SPG11: variants seen among roughly 807,000 people sequenced by gnomAD.
SPG11 encodes the protein spatacsin.
A neutral mutation model predicts 274.0 loss-of-function variants in SPG11; 222 were observed. The ratio of observed to expected loss-of-function variants is 0.81; its 90% CI spans 0.73 to 0.91. The LOEUF is 0.91. Among genes scored for constraint, SPG11 ranks in the 40% least tolerant of loss-of-function variants. The probability of loss-of-function intolerance (pLI) is 0.00; values close to 1 mark genes in which losing one functional copy is unlikely to be tolerated. For missense variants in SPG11, 3,114 were observed against 2,872.7 expected, an observed-to-expected ratio of 1.08 and a Z score of -1.92; for synonymous variants, 1,144 against 1,039.7, an observed-to-expected ratio of 1.10 and a Z score of -1.93.
chr15:44,578,050 A>G (rs1316975160), intron 30 of SPG11, among the ~76,000 whole-genome samples: 10 of 115,190 alleles, frequency 8.7e-5, no homozygotes, highest in Non-Finnish European at 1.5e-4. Context: ...TTTGAGACGG[A>G]GTCTCGCTCT....
At chr15:44,602,013 T>C (rs1364532750) in intron 20 of SPG11, among the ~76,000 whole-genome samples, 1 of 152,368 alleles carries the variant, frequency 6.6e-6, no homozygotes, top group African/African-American at 2.4e-5. Flanking sequence ...CATTATCTTT[T>C]TCAGACAGTT....
intron 28 of SPG11, among the ~76,000 whole-genome samples, chr15:44,587,143 G>A (rs1204909600): frequency 2.6e-5 from 4 of 152,216 alleles, no homozygotes; most frequent in Non-Finnish European, 4.4e-5. Context: ...AGACCAGCCT[G>A]TGCAACATGG....
At position 44,663,456 on chromosome 15, in the gene SPG11, T is replaced by C. The variant is rs1053858883; in HGVS notation, c.192A>G (p.Gln64=). ...GGCTGCCAGGCGTCAAAGAAAGCAC[T>C]TGGAGGCTGCCCGCAGCCGTCAGGC... ...LGSLTAAGSL[Q]VLSLTPGSRG... The change falls in exon 1 of 40, where the codon CAA becomes CAG. Residue 64 remains glutamine, a synonymous_variant. Transcript: ENST00000261866. 2 of 1,599,494 alleles carry C rather than the reference T, an allele frequency of 1.3e-6. No homozygotes were observed. Among genetic ancestry groups the C allele is most frequent in the African/African-American group, 1.3e-5 (1 of 74,586 alleles).
chr15:44,602,372 T>G (rs953019826), intron 20 of SPG11, among the ~76,000 whole-genome samples: 2 of 152,178 alleles, frequency 1.3e-5, no homozygotes, highest in Non-Finnish European at 2.9e-5. Context: ...TTTATAATGT[T>G]GAGATGCATT....
chr15:44,602,529 A>C (rs2083221012), intron 20 of SPG11, among the ~76,000 whole-genome samples: 1 of 149,208 alleles, frequency 6.7e-6, no homozygotes, highest in Non-Finnish European at 1.5e-5. Context: ...CCCAGGCTGG[A>C]GTGCAATAGC....
rs369671363 is a variant in SPG11, at chr15:44,575,418, C to T, written c.5867-377G>A. On this transcript the variant is annotated intron_variant, in intron 30 of 39. Coordinates refer to ENST00000261866, the MANE Select transcript of SPG11 (RefSeq NM_025137.4). ...CAGTTGTGGCCTTAGTTCCAGCCTTCATCACTCTGCATTCTGAGGAGCTGT... is the reference window on the plus strand; with the variant it reads ...CAGTTGTGGCCTTAGTTCCAGCCTTTATCACTCTGCATTCTGAGGAGCTGT... 3.6e-5 allele frequency: 7 copies of T among 196,754 alleles called. No homozygotes were observed. In the East Asian group the frequency reaches 5.6e-4, roughly 16 times the overall value. 12.2% of individuals were successfully genotyped at this position (196,754 alleles called of 1,614,324 possible).
chr15:44,615,671 C>T (rs1431552952), intron 15 of SPG11, 105 bp from the exon 16 acceptor site: 6 of 982,620 alleles, frequency 6.1e-6, no homozygotes, highest in Admixed American at 2.0e-5. Flanking sequence ...TAAGCATTTA[C>T]AAATTAATGC....
chr15:44,595,208 T>A, intron 26 of SPG11, 51 bp downstream of exon 26: 2 of 1,542,006 alleles, frequency 1.3e-6, no homozygotes, highest in South Asian at 1.1e-5. Flanking sequence ...AGAAGGGATA[T>A]GCTGAAGTAA....
chr15:44,594,960 G>GCA (rs2082997088), intron 26 of SPG11, among the ~76,000 whole-genome samples: 1 of 152,136 alleles, frequency 6.6e-6, no homozygotes, highest in African/African-American at 2.4e-5. Context: ...GGGATTACAG[G>GCA]CCCACGCCAC....
chr15:44,635,459 A>T (rs1567179366), intron 7 of SPG11, among the ~76,000 whole-genome samples: 1 of 151,838 alleles, frequency 6.6e-6, no homozygotes, highest in African/African-American at 2.4e-5. Context: ...ATTAAAAAGT[A>T]GCTGGGTGTG....
At chr15:44,587,707 A>AAAAAAACAAAAAAAAAAC (rs1567141699) in intron 28 of SPG11, among the ~76,000 whole-genome samples, 59 of 150,774 alleles carry the variant, frequency 3.9e-4, no homozygotes, top group African/African-American at 1.4e-3. Flanking sequence ...AAAAAAAAAA[A>AAAAAAACAAAAAAAAAAC]AAAAAAAAAA....
chr15:44,562,847 A>G lies in SPG11; in HGVS notation c.*274T>C. 2.5e-6 allele frequency: 1 copy of G among 398,906 alleles called. No homozygotes were observed. 24.7% of individuals were successfully genotyped at this position (398,906 alleles called of 1,614,324 possible). A position where few individuals can be genotyped will look rare whatever the true frequency, so the allele number is the denominator to read the frequency against. Reference sequence around the variant, plus strand: ...CTTTAATCATTATTGGATCATCTAAAGTAGAAGCTGTCCTGAGGAAGAGGA... The same window carrying G: ...CTTTAATCATTATTGGATCATCTAAGGTAGAAGCTGTCCTGAGGAAGAGGA... On this transcript the variant is annotated 3_prime_UTR_variant, in exon 40 of 40. Transcript: ENST00000261866.
intron 27 of SPG11, 117 bp downstream of exon 27, chr15:44,592,214 G>GT (rs768336770): frequency 2.8e-6 from 2 of 711,334 alleles, no homozygotes; most frequent in East Asian, 2.7e-5. Flanking sequence ...AGCTGTGATC[G>GT]TAACACTGTG....
In SPG11 at chr15:44,620,366, G is replaced by T. The variant is rs1421619921; in HGVS notation, c.2658C>A (p.Tyr886Ter). Residue 886 changes from tyrosine to a stop codon, truncating the protein, a stop_gained, in exon 15 of 40, where the codon TAC (tyrosine) becomes TAA (stop). Coordinates refer to ENST00000261866, the MANE Select transcript of SPG11 (RefSeq NM_025137.4). LOFTEE classifies it high-confidence loss of function. ...KSYSPEALWR[Y>*]LTARHDWLNI... ...TTAACCAATCATGGCGAGCTGTGAG[G>T]TATCTCCAGAGGGCTTCAGGGGAAT... The T allele has an allele frequency of 1.2e-6, 2 of 1,613,730 alleles. No individual in the cohort carries two copies. Among genetic ancestry groups the T allele is most frequent in the African/African-American group, 2.7e-5 (2 of 74,840 alleles).
intron 21 of SPG11, 38 bp from the exon 22 acceptor site, chr15:44,598,874 A>C: frequency 6.3e-7 from 1 of 1,589,858 alleles, no homozygotes; most frequent in Non-Finnish European, 8.6e-7. Flanking sequence ...TCAGCACATG[A>C]AAATTATGTC....
intron 11 of SPG11, among the ~76,000 whole-genome samples, chr15:44,625,981 AG>A (rs1285022432): frequency 6.6e-6 from 1 of 152,112 alleles, no homozygotes; most frequent in Admixed American, 6.6e-5. Context: ...CGCCCGGCTC[AG>A]GTACTTCTTT....
intron 39 of SPG11, 145 bp from the exon 40 acceptor site, chr15:44,563,446 C>A: frequency 2.9e-6 from 2 of 701,004 alleles, no homozygotes; most frequent in Non-Finnish European, 4.9e-6. Context: ...TCAAGTGATT[C>A]TTGTGCCTCA....
At chr15:44,593,901 A>G (rs569382561) in intron 26 of SPG11, among the ~76,000 whole-genome samples, 1 of 150,190 alleles carries the variant, frequency 6.7e-6, no homozygotes, top group Non-Finnish European at 1.5e-5. Flanking sequence ...TTACAGGTGC[A>G]TCCTGCCACG....
At position 44,566,012 on chromosome 15, in the gene SPG11, G is replaced by A; in HGVS notation, c.6844-3C>T. The A allele has an allele frequency of 6.2e-7, 1 of 1,613,510 alleles. No homozygotes were observed. The highest frequency in any genetic ancestry group is 8.5e-7 in the Non-Finnish European group (1 of 1,180,004). ...TGGGCCTGTCGCACACAGGAGTCCT[G>A]AGGAACAAGGGTGGAGAGGCACAGT... On this transcript the variant is annotated splice_polypyrimidine_tract_variant and splice_region_variant and intron_variant, in intron 37 of 39. Transcript: ENST00000261866.
Sources: gnomAD v4.1 joint callset for allele counts (sites outside exome capture counted in the v4.1 genomes callset) on GRCh38, gnomAD v4.1.1 for gene constraint, MANE v1.5 for transcripts, NCBI Gene and HGNC (gene_info 2026-07-23, HGNC 2026-07-21) for gene names.